RBFOX1: variants seen among roughly 807,000 people sequenced by gnomAD.
RBFOX1 encodes RNA binding protein fox-1 homolog 1.
A neutral mutation model predicts 57.7 loss-of-function variants in RBFOX1; 8 were observed. The observed-to-expected ratio is 0.14, with a 90% confidence interval of 0.08 to 0.25. The LOEUF (loss-of-function observed/expected upper bound fraction) is 0.25, where lower values mean the gene tolerates loss of function less well. Among genes scored for constraint, RBFOX1 ranks in the 10% least tolerant of loss-of-function variants. The probability of loss-of-function intolerance (pLI) is 1.00; values close to 1 mark genes in which losing one functional copy is unlikely to be tolerated. For missense variants in RBFOX1, 611 were observed against 548.5 expected, an observed-to-expected ratio of 1.11 and a Z score of -1.14; for synonymous variants, 326 against 222.4, an observed-to-expected ratio of 1.47 and a Z score of -4.15.
chr16:7,083,359 G>A (rs2059489406), intron 4 of RBFOX1, among the ~76,000 whole-genome samples: 1 of 152,046 alleles, frequency 6.6e-6, no homozygotes, highest in Non-Finnish European at 1.5e-5. Flanking sequence ...GGGACCACAT[G>A]TTCAAGCAGG....
Position 6,452,039 on chromosome 16 carries a change from C to G in RBFOX1, c.-64+134982C>G, listed in dbSNP as rs942522920. Among the ~76,000 whole-genome samples, 40 of 151,450 alleles carry G rather than the reference C, an allele frequency of 2.6e-4. 1 individual carries two copies. The highest frequency in any genetic ancestry group is 8.8e-5 in the Non-Finnish European group (6 of 67,844). ...CCATGACTCCATCCATGGCTCCTTC[C>G]TTCCATGGCTCCATCCATGGATCCT... On this transcript the variant is annotated intron_variant, in intron 2 of 15. Transcript: ENST00000550418.
At chr16:6,910,460 T>C (rs2071276401) in intron 3 of RBFOX1, among the ~76,000 whole-genome samples, 1 of 152,198 alleles carries the variant, frequency 6.6e-6, no homozygotes, top group African/African-American at 2.4e-5. Context: ...AGGACTTGGC[T>C]CTGTGCCTGA....
chr16:6,490,136 C>G (rs563857068), intron 2 of RBFOX1, among the ~76,000 whole-genome samples: 5 of 152,156 alleles, frequency 3.3e-5, no homozygotes, highest in East Asian at 1.9e-4. Context: ...CCATGCCTAT[C>G]TCAGTCTCAG....
rs114430972 is a variant in RBFOX1, at chr16:6,331,800, T to C, written c.-64+14743T>C. ...AAAAAAAATTGTATTTATTTGTGTA[T>C]TGCCCTGGAAATGTACAAATAGTTT... is the stretch of plus-strand genomic sequence containing the variant. On this transcript the variant is annotated intron_variant, in intron 2 of 15. Transcript: ENST00000550418. Among the ~76,000 whole-genome samples the C allele has an allele frequency of 8.7e-3, 1,321 of 152,096 alleles. 21 individuals are homozygous for C. Among genetic ancestry groups the C allele is most frequent in the African/African-American group, 0.03 (1,247 of 41,450 alleles).
At chr16:7,696,361 G>C (rs982340132) in intron 14 of RBFOX1, among the ~76,000 whole-genome samples, 2 of 152,156 alleles carry the variant, frequency 1.3e-5, no homozygotes, top group Non-Finnish European at 2.9e-5. Context: ...CCTTTGATGA[G>C]TTGGATTCTT....
intron 4 of RBFOX1, among the ~76,000 whole-genome samples, chr16:5,928,732 C>A (rs1031872325): frequency 2.0e-5 from 3 of 150,964 alleles, no homozygotes; most frequent in African/African-American, 4.9e-5. Flanking sequence ...TCCTGAAATG[C>A]GTTCTTGGCT....
chr16:5,365,696 C>G, intron 1 of RBFOX1: 1 of 347,352 alleles, frequency 2.9e-6, no homozygotes, highest in Non-Finnish European at 5.5e-6. Context: ...ATAAAAAGAG[C>G]TTTCCCTGGT....
intron 5 of RBFOX1, among the ~76,000 whole-genome samples, chr16:7,544,597 G>A (rs2083888803): frequency 6.6e-6 from 1 of 152,096 alleles, no homozygotes; most frequent in South Asian, 2.1e-4. Context: ...CCAGGATCTA[G>A]GAAAGAAGCA....
intron 3 of RBFOX1, among the ~76,000 whole-genome samples, chr16:6,809,432 C>CATAG (rs1567343575): frequency 6.6e-6 from 1 of 152,102 alleles, no homozygotes; most frequent in Non-Finnish European, 1.5e-5. Flanking sequence ...TGGATATACA[C>CATAG]ATAGATGTAT....
At chr16:5,586,120 GC>G (rs772208214) in intron 2 of RBFOX1, among the ~76,000 whole-genome samples, 28 of 152,164 alleles carry the variant, frequency 1.8e-4, no homozygotes, top group Non-Finnish European at 3.7e-4. Flanking sequence ...GCTTCTACAA[GC>G]CAAGGCACCT....
chr16:5,625,627 G>C (rs749879885), intron 3 of RBFOX1, among the ~76,000 whole-genome samples: 18 of 151,506 alleles, frequency 1.2e-4, no homozygotes, highest in Non-Finnish European at 2.4e-4. Flanking sequence ...GTGCAATCTT[G>C]GCTTACTGCA....
chr16:6,426,404 C>T lies in RBFOX1; in HGVS notation c.-64+109347C>T, dbSNP rs1935392. ...TCCAGGAAAGAGAGAGAAAAGAATG[C>T]AGAGGACAAGAGGAGGGGAAAGAGA... On this transcript the variant is annotated intron_variant, in intron 2 of 15. Transcript: ENST00000550418. Among the ~76,000 whole-genome samples the T allele has an allele frequency of 9.1e-3, 1,389 of 151,932 alleles. 24 individuals carry two copies. The highest frequency in any genetic ancestry group is 0.031 in the African/African-American group (1,302 of 41,426).
In RBFOX1 at chr16:5,252,478, G is replaced by A. The variant is rs1426347327; in HGVS notation, c.219+12373G>A. Among the ~76,000 whole-genome samples the A allele has an allele frequency of 2.0e-5, 3 of 152,224 alleles. No individual in the cohort carries two copies. In the South Asian group the frequency reaches 6.2e-4, roughly 31 times the overall value. On this transcript the variant is annotated intron_variant, in intron 1 of 2. Transcript: ENST00000585867. ...GTGTGGGGGTTATCAGTGTGCATTT[G>A]TGAGTTCCCATGTGAAGGACTCTCT... is the stretch of plus-strand genomic sequence containing the variant.
intron 4 of RBFOX1, among the ~76,000 whole-genome samples, chr16:6,001,240 G>A (rs866322550): frequency 1.3e-5 from 2 of 152,156 alleles, no homozygotes; most frequent in Non-Finnish European, 2.9e-5. Context: ...CAGTGGCTGA[G>A]TTGGTCCTGG....
intron 4 of RBFOX1, among the ~76,000 whole-genome samples, chr16:7,074,184 C>G (rs2057888643): frequency 6.6e-6 from 1 of 152,062 alleles, no homozygotes; most frequent in African/African-American, 2.4e-5. Context: ...CAAGATGACC[C>G]AAATGTTAGG....
At chr16:5,614,872 T>G (rs2047963862) in intron 3 of RBFOX1, among the ~76,000 whole-genome samples, 2 of 152,170 alleles carry the variant, frequency 1.3e-5, no homozygotes, top group African/African-American at 2.4e-5. Context: ...ACCCGTTGAC[T>G]TACATGACAT....
intron 3 of RBFOX1, among the ~76,000 whole-genome samples, chr16:7,031,047 T>C (rs1306581297): frequency 6.6e-6 from 1 of 152,178 alleles, no homozygotes; most frequent in Non-Finnish European, 1.5e-5. Context: ...AGATGGTGTA[T>C]GATGCTGATG....
At chr16:7,398,210 T>C (rs78502419) in intron 4 of RBFOX1, among the ~76,000 whole-genome samples, 1 of 152,224 alleles carries the variant, frequency 6.6e-6, no homozygotes, top group Admixed American at 6.5e-5. Flanking sequence ...GCTTAAAGCA[T>C]CAGTATCATT....
rs140618102 is a variant in RBFOX1, at chr16:6,941,824, G to A, written c.-15-110233G>A. Among the ~76,000 whole-genome samples the A allele has an allele frequency of 1.8e-4, 28 of 152,164 alleles. 1 individual carries two copies. The highest frequency in any genetic ancestry group is 6.7e-4 in the African/African-American group (28 of 41,534). On this transcript the variant is annotated intron_variant, in intron 3 of 15. Coordinates refer to ENST00000550418, the MANE Select transcript of RBFOX1 (RefSeq NM_018723.4). The stretch of plus-strand genomic sequence containing the variant: ...AGGACCTAACAAATAAGAATGAGCT[G>A]CTTTTTTTTCCCCCTAACTCTTTCC...
Sources: allele counts gnomAD v4.1 joint callset (sites outside exome capture counted in the v4.1 genomes callset), GRCh38; gene constraint gnomAD v4.1.1; transcripts MANE v1.5; gene names NCBI Gene and HGNC (gene_info 2026-07-23, HGNC 2026-07-21).